The following PHLDB2 variants were observed in gnomAD, a reference collection of about 807,000 sequenced individuals.
PHLDB2 encodes the protein pleckstrin homology-like domain family B member 2.
In PHLDB2, 71 loss-of-function variants were observed where a neutral mutation model predicts 123.6. The ratio of observed to expected loss-of-function variants is 0.57; its 90% CI spans 0.47 to 0.70. PHLDB2 has a LOEUF of 0.70. Ranked by LOEUF, PHLDB2 falls within the 30% of genes least tolerant of loss-of-function variation. The pLI is 0.00. For missense variants in PHLDB2, 1,446 were observed against 1,519.5 expected, an observed-to-expected ratio of 0.95 and a Z score of 0.80; for synonymous variants, 547 against 541.6, an observed-to-expected ratio of 1.01 and a Z score of -0.14.
intron 2 of PHLDB2, among the ~76,000 whole-genome samples, chr3:111,906,709 T>TA (rs1202412014): frequency 1.6e-4 from 25 of 152,196 alleles, no homozygotes; most frequent in African/African-American, 5.3e-4. Context: ...GAATAGGCAT[T>TA]AGCATACAAA....
intron 1 of PHLDB2, among the ~76,000 whole-genome samples, chr3:111,778,034 A>G (rs78821182): frequency 0.19 from 28,351 of 151,954 alleles, 2,771 homozygotes; most frequent in African/African-American, 0.22. Flanking sequence ...TTTACATTTC[A>G]TCGCACAATC....
At chr3:111,967,132 A>G (rs1176808513) in intron 14 of PHLDB2, among the ~76,000 whole-genome samples, 3 of 152,108 alleles carry the variant, frequency 2.0e-5, no homozygotes, top group Admixed American at 1.3e-4. Context: ...TTATGACTGT[A>G]TTTCAAGTCA....
chr3:111,859,509 G>C lies in PHLDB2; in HGVS notation c.-82G>C, dbSNP rs2064685309. The C allele has an allele frequency of 1.0e-6, 1 of 985,548 alleles. No homozygotes were observed. The highest frequency in any genetic ancestry group is 1.7e-5 in the African/African-American group (1 of 57,268). The allele number at this position is 985,548 out of a possible 1,614,324, so 61.1% of individuals were successfully genotyped here. Reference sequence around the variant, plus strand: ...AGGGGGACCCGACGGGGGCCCGACGGTGTGGCGTGGCGCAAGGAGCGCGCC... The same window carrying C: ...AGGGGGACCCGACGGGGGCCCGACGCTGTGGCGTGGCGCAAGGAGCGCGCC... On this transcript the variant is annotated 5_prime_UTR_variant, in exon 1 of 18. Transcript: ENST00000431670.
At position 111,913,167 on chromosome 3, in the gene PHLDB2, G is replaced by C. The variant is rs532691103; in HGVS notation, c.1336-152G>C. On this transcript the variant is annotated intron_variant, in intron 2 of 17. Transcript: ENST00000431670. The stretch of plus-strand genomic sequence containing the variant: ...TTCACCTGGATCTTTAAATGCATCC[G>C]TCAAAGATTATGAAAATCATCACCA... The C allele has an allele frequency of 7.5e-6, 7 of 933,884 alleles. No individual in the cohort carries two copies. In the African/African-American group the frequency reaches 1.2e-4, roughly 15 times the overall value. The allele number at this position is 933,884 out of a possible 1,614,324, so 57.8% of individuals were successfully genotyped here.
chr3:111,813,547 A>C (rs902697930), intron 1 of PHLDB2, among the ~76,000 whole-genome samples: 1 of 152,194 alleles, frequency 6.6e-6, no homozygotes, highest in Non-Finnish European at 1.5e-5. Flanking sequence ...GTTATAACTG[A>C]AAGTCTAAAA....
chr3:111,762,904 A>G (rs985862688), intron 1 of PHLDB2, among the ~76,000 whole-genome samples: 2 of 152,216 alleles, frequency 1.3e-5, no homozygotes, highest in East Asian at 3.9e-4. Flanking sequence ...CAAAGAATTA[A>G]TTCTCCTTTT....
rs575999843 is a variant in PHLDB2 at position 111,758,072 on chromosome 3, G to T, written c.-49+25369G>T. Among the ~76,000 whole-genome samples, 16 of 152,300 alleles carry T rather than the reference G, an allele frequency of 1.1e-4. No homozygotes were observed. The South Asian group carries it at 3.3e-3, about 32-fold the overall frequency. On this transcript the variant is annotated intron_variant, in intron 1 of 17. Coordinates refer to the PHLDB2 transcript ENST00000393923. Reference sequence around the variant, plus strand: ...CAGGGGCCAGGGACCCACTTGAGGAGGCAGTCTGCCCGTTCTCAGATCTCC... The same window carrying T: ...CAGGGGCCAGGGACCCACTTGAGGATGCAGTCTGCCCGTTCTCAGATCTCC...
chr3:111,909,605 A>G (rs1192444637), intron 2 of PHLDB2, among the ~76,000 whole-genome samples: 2 of 152,104 alleles, frequency 1.3e-5, no homozygotes, highest in Non-Finnish European at 2.9e-5. Flanking sequence ...CTCAGGAAAA[A>G]AAGAAAAAAA....
chr3:111,872,272 C>A (rs2065376810), intron 1 of PHLDB2, among the ~76,000 whole-genome samples: 1 of 152,190 alleles, frequency 6.6e-6, no homozygotes. Context: ...CATATAGTTT[C>A]ACTGGGACCT....
At chr3:111,967,202 T>C (rs1377107059) in intron 14 of PHLDB2, among the ~76,000 whole-genome samples, 1 of 152,222 alleles carries the variant, frequency 6.6e-6, no homozygotes, top group African/African-American at 2.4e-5. Context: ...GAAGGGCACC[T>C]CCTTTCCTTT....
chr3:111,847,691 G>A (rs1051155589), intron 2 of PHLDB2, among the ~76,000 whole-genome samples: 4 of 151,428 alleles, frequency 2.6e-5, no homozygotes, highest in Non-Finnish European at 4.4e-5. Flanking sequence ...CTTACTTACT[G>A]CACACCCAAT....
At chr3:111,765,137 T>C (rs907171426) in intron 1 of PHLDB2, among the ~76,000 whole-genome samples, 6 of 152,164 alleles carry the variant, frequency 3.9e-5, no homozygotes, top group African/African-American at 1.4e-4. Context: ...TCATTCTCAA[T>C]AGGCAGGCGT....
intron 1 of PHLDB2, among the ~76,000 whole-genome samples, chr3:111,792,443 T>C (rs544459578): frequency 6.6e-6 from 1 of 152,268 alleles, no homozygotes; most frequent in South Asian, 2.1e-4. Flanking sequence ...TGGTGGCTCA[T>C]GTCTTTAATC....
chr3:111,967,169 A>G (rs1226928998), intron 14 of PHLDB2, among the ~76,000 whole-genome samples: 2 of 152,170 alleles, frequency 1.3e-5, no homozygotes, highest in Non-Finnish European at 2.9e-5. Flanking sequence ...GGAATCCCCC[A>G]AAATGCCTTT....
chr3:111,829,499 C>CTAT (rs2062833054), intron 1 of PHLDB2, among the ~76,000 whole-genome samples: 1 of 98,960 alleles, frequency 1.0e-5, no homozygotes, highest in African/African-American at 4.1e-5. Flanking sequence ...TTGAGTCTTG[C>CTAT]TATTACCAGG....
At chr3:111,828,316 A>C (rs551280588) in intron 1 of PHLDB2, among the ~76,000 whole-genome samples, 3 of 152,274 alleles carry the variant, frequency 2.0e-5, no homozygotes, top group East Asian at 3.9e-4. Context: ...CCTCCTGTGC[A>C]CTGATTGATT....
At chr3:111,940,184 A>C (rs1037522191) in intron 7 of PHLDB2, among the ~76,000 whole-genome samples, 3 of 151,034 alleles carry the variant, frequency 2.0e-5, no homozygotes, top group African/African-American at 7.4e-5. Context: ...TGTTTTCTTA[A>C]ACTCTCAGTT....
intron 2 of PHLDB2, among the ~76,000 whole-genome samples, chr3:111,846,908 CA>C (rs2064018544): frequency 6.6e-6 from 1 of 152,110 alleles, no homozygotes; most frequent in Admixed American, 6.6e-5. Flanking sequence ...GACATCTAAC[CA>C]AAACCAGTCA....
chr3:111,817,423 G>T (rs989606564), intron 1 of PHLDB2, among the ~76,000 whole-genome samples: 1 of 152,138 alleles, frequency 6.6e-6, no homozygotes, highest in Non-Finnish European at 1.5e-5. Context: ...TGACTTAAAG[G>T]TATAAAGGAG....
Sources: allele counts gnomAD v4.1 joint callset (sites outside exome capture counted in the v4.1 genomes callset), GRCh38; gene constraint gnomAD v4.1.1; transcripts MANE v1.5; gene names NCBI Gene and HGNC (gene_info 2026-07-23, HGNC 2026-07-21).